Variants in RYR3 observed in about 807,000 individuals in gnomAD.
RYR3 encodes the protein brain ryanodine receptor-calcium release channel.
RYR3 carries 207 observed loss-of-function variants against 584.3 expected under a neutral mutation model. The ratio of observed to expected loss-of-function variants is 0.35; its 90% CI spans 0.32 to 0.40. The LOEUF is 0.40. RYR3 is among the 10% of genes least tolerant of loss of function. The pLI, the probability that RYR3 is intolerant of heterozygous loss-of-function variation, is 1.00. For synonymous variants in RYR3, 2,416 were observed against 2,248.5 expected, an observed-to-expected ratio of 1.07 and a Z score of -2.11; for missense variants, 5,616 against 6,089.2, an observed-to-expected ratio of 0.92 and a Z score of 2.59.
At chr15:33,660,762 G>A (rs747023697) in intron 34 of RYR3, among the ~76,000 whole-genome samples, 2 of 152,172 alleles carry the variant, frequency 1.3e-5, no homozygotes, top group Admixed American at 6.5e-5. Flanking sequence ...AGAGAATCAG[G>A]AATCAGGTTC....
intron 47 of RYR3, 31 bp downstream of exon 47, chr15:33,729,057 T>G (rs765998509): frequency 4.4e-6 from 7 of 1,591,308 alleles, no homozygotes; most frequent in Non-Finnish European, 6.0e-6. Flanking sequence ...AAAATTATTG[T>G]TCCCATCATT....
chr15:33,589,242 G>A (rs1440957139), intron 16 of RYR3, among the ~76,000 whole-genome samples: 1 of 152,108 alleles, frequency 6.6e-6, no homozygotes, highest in Non-Finnish European at 1.5e-5. Flanking sequence ...TATGCTTGTT[G>A]GCCATTCGTG....
chr15:33,738,483 T>G lies in RYR3; in HGVS notation c.7549T>G (p.Tyr2517Asp). The change falls in exon 50 of 104, where the codon TAT becomes GAT. Residue 2517 changes from tyrosine (Y) to aspartate (D), a missense_variant. Transcript: ENST00000634891. ...GAATCACTATGAACAGTGTTGGAAG[T>G]ATTACTGCCTGCCTTCAGGATGGGG... ...LTNHYEQCWK[Y>D]YCLPSGWGSY... 6.2e-7 allele frequency: 1 copy of G among 1,613,922 alleles called. No homozygotes were observed.
At chr15:33,858,066 C>T (rs1000299395) in intron 99 of RYR3, 152 bp downstream of exon 99, 9 of 1,002,662 alleles carry the variant, frequency 9.0e-6, no homozygotes, top group African/African-American at 1.6e-5. Flanking sequence ...AGACAGATGT[C>T]TTCTCCAAAC....
chr15:33,441,452 T>A (rs74456585), intron 1 of RYR3, among the ~76,000 whole-genome samples: 1 of 152,180 alleles, frequency 6.6e-6, no homozygotes, highest in South Asian at 2.1e-4. Flanking sequence ...CCTAATGACA[T>A]AGGTTCTGTT....
In RYR3 at chr15:33,788,406, A is replaced by C; in HGVS notation, c.9778A>C (p.Arg3260=). 1.9e-6 allele frequency: 3 copies of C among 1,613,982 alleles called. No homozygotes were observed. The highest frequency in any genetic ancestry group is 2.5e-6 in the Non-Finnish European group (3 of 1,179,844). ...CCTGGACGAGTTCGCGGTCCTCTGC[A>C]GAGATCTCTATGCCTTCTACCCCAT... ...LILDEFAVLC[R]DLYAFYPMLI... The change falls in exon 67 of 104, where the codon AGA becomes CGA. Residue 3260 remains arginine (R), a synonymous_variant. Transcript: ENST00000634891.
At chr15:33,841,241 A>G (rs1475849391) in intron 90 of RYR3, among the ~76,000 whole-genome samples, 3 of 152,170 alleles carry the variant, frequency 2.0e-5, no homozygotes, top group Non-Finnish European at 2.9e-5. Context: ...AAAAAAGAAA[A>G]TAAAGATAGT....
In RYR3 at chr15:33,660,318, G is replaced by A; in HGVS notation, c.4517G>A (p.Ser1506Asn). The A allele has an allele frequency of 6.3e-7, 1 of 1,587,222 alleles. No individual in the cohort carries two copies. Among genetic ancestry groups the A allele is most frequent in the Non-Finnish European group, 8.6e-7 (1 of 1,167,106 alleles). Residue 1506 changes from serine to asparagine, a missense_variant, in exon 34 of 104, where the codon AGC (serine) becomes AAC (asparagine). By Grantham distance (46) the Ser-to-Asn change is conservative. Around this residue, in one of 9 missense-constraint regions of RYR3, gnomAD observed 753 missense variants for 741.0 expected, o/e 1.02. Coordinates refer to ENST00000634891, the MANE Select transcript of RYR3 (RefSeq NM_001036.6). ...QPVLWSRMPN[S>N]FLKVETERVS... ...GTGCTCTGGAGCCGCATGCCCAACA[G>A]CTTCCTGAAGGTGGAGACCGAGCGT...
At chr15:33,317,983 A>G (rs765345031) in intron 1 of RYR3, among the ~76,000 whole-genome samples, 1 of 152,212 alleles carries the variant, frequency 6.6e-6, no homozygotes. Flanking sequence ...GAATCTTACT[A>G]TTATTGGATT....
chr15:33,488,669 G>A (rs932385559), intron 2 of RYR3, among the ~76,000 whole-genome samples: 7 of 151,970 alleles, frequency 4.6e-5, no homozygotes, highest in Middle Eastern at 3.2e-3. Context: ...TGGCCAACAT[G>A]GTGAAACCCC....
intron 1 of RYR3, among the ~76,000 whole-genome samples, chr15:33,371,977 C>A (rs1265049386): frequency 6.6e-6 from 1 of 152,242 alleles, no homozygotes; most frequent in African/African-American, 2.4e-5. Context: ...AAGGCCTCAA[C>A]TGAAGATTAC....
In RYR3 at chr15:33,861,318, A is replaced by G. The variant is rs190467082; in HGVS notation, c.14465+140A>G. 5.5e-4 allele frequency: 323 copies of G among 583,420 alleles called. No individual in the cohort carries two copies. The African/African-American group carries it at 5.6e-3, about 10-fold the overall frequency. 36.1% of individuals were successfully genotyped at this position (583,420 alleles called of 1,614,324 possible). On this transcript the variant is annotated intron_variant, in intron 102 of 103. Coordinates refer to ENST00000634891, the MANE Select transcript of RYR3 (RefSeq NM_001036.6). ...TCCCCATGAGCCTGTACCTTTGTCCATAGACTCTGTCTCTCCCATGTGTGA... is the reference window on the plus strand; with the variant it reads ...TCCCCATGAGCCTGTACCTTTGTCCGTAGACTCTGTCTCTCCCATGTGTGA...
chr15:33,751,509 G>A (rs950281416), intron 57 of RYR3, among the ~76,000 whole-genome samples: 11 of 151,738 alleles, frequency 7.2e-5, no homozygotes, highest in Non-Finnish European at 1.2e-4. Context: ...TTTTTCGTAT[G>A]CCAGTTGGCT....
intron 2 of RYR3, among the ~76,000 whole-genome samples, chr15:33,487,915 C>T (rs756921496): frequency 3.3e-5 from 5 of 152,128 alleles, no homozygotes; most frequent in South Asian, 2.1e-4. Flanking sequence ...TTGCTCCTCA[C>T]GTTCTGCTAT....
intron 13 of RYR3, among the ~76,000 whole-genome samples, chr15:33,580,616 A>G (rs546929075): frequency 1.1e-4 from 16 of 152,284 alleles, no homozygotes; most frequent in South Asian, 2.1e-4. Context: ...CATGAGGAAA[A>G]TATCAGCTTG....
chr15:33,810,935 C>T (rs752851214), intron 71 of RYR3, 43 bp from the exon 72 acceptor site: 1 of 1,532,678 alleles, frequency 6.5e-7, no homozygotes, highest in Non-Finnish European at 8.9e-7. Context: ...TTGACAGTTC[C>T]ATGGTGATCT....
At chr15:33,469,070 T>C (rs138642625) in intron 1 of RYR3, among the ~76,000 whole-genome samples, 31 of 152,196 alleles carry the variant, frequency 2.0e-4, no homozygotes, top group African/African-American at 5.1e-4. Context: ...TAAAAACATA[T>C]AGTGGGGGAG....
At position 33,835,043 on chromosome 15, in the gene RYR3, T is replaced by G; in HGVS notation, c.11539T>G (p.Phe3847Val). The change falls in exon 87 of 104, where the codon TTT (phenylalanine) becomes GTT (valine). Residue 3847 changes from phenylalanine to valine, a missense_variant. By Grantham distance (50) the Phe-to-Val change is conservative. Transcript: ENST00000634891. ...WDAVVGFLHVFANMQMKLSQD... is the reference protein window; with the variant it reads ...WDAVVGFLHVVANMQMKLSQD... ...CGCAGTGGTTGGCTTCCTCCATGTC[T>G]TTGCTAATATGCAGATGAAACTCTC... 6.2e-7 allele frequency: 1 copy of G among 1,613,868 alleles called. No homozygotes were observed.
rs114718677 is a variant in RYR3 at position 33,712,848 on chromosome 15, C to T, written c.6619+5794C>T. Among the ~76,000 whole-genome samples, 1,271 of 152,158 alleles carry T rather than the reference C, an allele frequency of 8.4e-3. 19 individuals are homozygous for T. Among genetic ancestry groups the T allele is most frequent in the African/African-American group, 0.029 (1,211 of 41,498 alleles). ...TTAGTCAAAATACCTAACCTCAGTG[C>T]TTTTTTATGTGTAAAACAGAGATGA... On this transcript the variant is annotated intron_variant, in intron 43 of 103. Coordinates refer to ENST00000634891, the MANE Select transcript of RYR3 (RefSeq NM_001036.6).
Sources: gnomAD v4.1 joint callset for allele counts (sites outside exome capture counted in the v4.1 genomes callset) on GRCh38, gnomAD v4.1.1 for gene constraint, gnomAD v4.1.1 regional missense constraint, MANE v1.5 for transcripts, NCBI Gene and HGNC (gene_info 2026-07-23, HGNC 2026-07-21) for gene names.